Variants in IMMP2L observed in about 807,000 individuals in gnomAD.
The protein encoded by IMMP2L is inner mitochondrial membrane peptidase subunit 2, also known as mitochondrial inner membrane protease subunit 2.
A neutral mutation model predicts 19.3 loss-of-function variants in IMMP2L; 18 were observed. The ratio of observed to expected loss-of-function variants is 0.93; its 90% CI spans 0.64 to 1.38. IMMP2L has a LOEUF of 1.38. Ranked by LOEUF, IMMP2L falls within the 40% of genes most tolerant of loss-of-function variation. The pLI is 0.00. For synonymous variants in IMMP2L, 76 were observed against 73.0 expected, an observed-to-expected ratio of 1.04 and a Z score of -0.21; for missense variants, 233 against 218.2, an observed-to-expected ratio of 1.07 and a Z score of -0.43.
At chr7:111,378,539 A>C (rs1311831904) in intron 3 of IMMP2L, among the ~76,000 whole-genome samples, 2 of 152,010 alleles carry the variant, frequency 1.3e-5, no homozygotes, top group East Asian at 3.8e-4. Flanking sequence ...TAATCACCCA[A>C]GGGCACCGCT....
intron 5 of IMMP2L, among the ~76,000 whole-genome samples, chr7:110,846,228 G>T (rs182457745): frequency 5.6e-4 from 85 of 152,038 alleles, no homozygotes; most frequent in African/African-American, 2.0e-3. Context: ...CCGAGAACCT[G>T]AACAGCGAAG....
chr7:110,748,130 A>G (rs1271687762), intron 5 of IMMP2L, among the ~76,000 whole-genome samples: 1 of 152,066 alleles, frequency 6.6e-6, no homozygotes, highest in Middle Eastern at 3.2e-3. Context: ...CCAAATCACA[A>G]GTAACTCCCA....
At chr7:111,551,740 G>C (rs918062195) in intron 1 of IMMP2L, among the ~76,000 whole-genome samples, 1 of 151,976 alleles carries the variant, frequency 6.6e-6, no homozygotes, top group Admixed American at 6.6e-5. Context: ...GAAGTTTCAG[G>C]GAAGCACAAA....
intron 4 of IMMP2L, among the ~76,000 whole-genome samples, chr7:110,895,417 A>C (rs1010385244): frequency 3.9e-5 from 6 of 152,174 alleles, no homozygotes; most frequent in Non-Finnish European, 8.8e-5. Flanking sequence ...TCATACTGCC[A>C]TGATAATTGT....
intron 3 of IMMP2L, among the ~76,000 whole-genome samples, chr7:111,075,153 ATCTC>A (rs1322222490): frequency 4.2e-5 from 5 of 119,534 alleles, no homozygotes; most frequent in African/African-American, 1.7e-4. Context: ...TTGAGATGGA[ATCTC>A]TCTCTGTCAC....
intron 2 of IMMP2L, among the ~76,000 whole-genome samples, chr7:111,512,518 A>T (rs1305421112): frequency 6.6e-6 from 1 of 152,090 alleles, no homozygotes. Context: ...AATTTTTAAT[A>T]AAAAATTCAA....
chr7:110,808,777 A>T (rs965567819), intron 5 of IMMP2L, among the ~76,000 whole-genome samples: 1 of 152,088 alleles, frequency 6.6e-6, no homozygotes, highest in Admixed American at 6.6e-5. Context: ...TTTAAAGGAA[A>T]CATAGAGACG....
chr7:111,458,521 C>T (rs78156875), intron 3 of IMMP2L, among the ~76,000 whole-genome samples: 1,608 of 152,104 alleles, frequency 0.011, 34 homozygotes, highest in African/African-American at 0.036. Context: ...AAAATTGTTC[C>T]TCCTATCTTT....
intron 5 of IMMP2L, among the ~76,000 whole-genome samples, chr7:110,681,884 T>C (rs958086934): frequency 2.0e-5 from 3 of 151,932 alleles, no homozygotes; most frequent in Non-Finnish European, 2.9e-5. Flanking sequence ...GGAAACGACC[T>C]CTGACCTCAA....
chr7:111,081,139 C>T (rs1795856652), intron 3 of IMMP2L, among the ~76,000 whole-genome samples: 1 of 152,024 alleles, frequency 6.6e-6, no homozygotes, highest in Non-Finnish European at 1.5e-5. Flanking sequence ...GTTGGGATGC[C>T]CCATTAAATG....
At chr7:111,007,224 G>C (rs1413103559) in intron 3 of IMMP2L, among the ~76,000 whole-genome samples, 1 of 152,116 alleles carries the variant, frequency 6.6e-6, no homozygotes, top group East Asian at 1.9e-4. Flanking sequence ...GAACTTGTAA[G>C]AATTCACTCA....
intron 3 of IMMP2L, among the ~76,000 whole-genome samples, chr7:111,421,731 C>T (rs1213601682): frequency 6.6e-6 from 1 of 151,614 alleles, no homozygotes; most frequent in African/African-American, 2.4e-5. Flanking sequence ...TTAATTAGAT[C>T]CCATTTGTCT....
chr7:111,523,933 T>G (rs1846594531), intron 1 of IMMP2L, among the ~76,000 whole-genome samples: 1 of 152,124 alleles, frequency 6.6e-6, no homozygotes, highest in Non-Finnish European at 1.5e-5. Context: ...ATGACGTCTT[T>G]TGCCTAGAAT....
chr7:110,901,335 T>G (rs1263405621), intron 4 of IMMP2L, among the ~76,000 whole-genome samples: 2 of 152,188 alleles, frequency 1.3e-5, no homozygotes, highest in African/African-American at 4.8e-5. Flanking sequence ...GGATATTCAT[T>G]GAATGAGTAT....
chr7:111,523,712 T>C (rs945298786), intron 1 of IMMP2L, among the ~76,000 whole-genome samples: 2 of 152,160 alleles, frequency 1.3e-5, no homozygotes, highest in African/African-American at 4.8e-5. Context: ...CATGTTTTCA[T>C]TCAAACTCAT....
intron 3 of IMMP2L, among the ~76,000 whole-genome samples, chr7:111,031,017 G>A (rs1038598177): frequency 1.3e-5 from 2 of 150,968 alleles, no homozygotes; most frequent in Non-Finnish European, 2.9e-5. Context: ...TTAGAGGTAA[G>A]CAAGGGAGAG....
chr7:111,549,930 G>A (rs1849289752), intron 1 of IMMP2L, among the ~76,000 whole-genome samples: 1 of 142,820 alleles, frequency 7.0e-6, no homozygotes, highest in Admixed American at 7.1e-5. Context: ...GACAGAGCGA[G>A]ACTCCGTGTC....
chr7:111,124,932 CA>C (rs398005852), intron 3 of IMMP2L: 134,424 of 809,620 alleles, frequency 0.17, 639 homozygotes, highest in African/African-American at 0.22. Context: ...CAAAAATGAA[CA>C]AAAAAAAAAA....
chr7:110,984,033 T>G (rs1405364004), intron 3 of IMMP2L, among the ~76,000 whole-genome samples: 1 of 151,954 alleles, frequency 6.6e-6, no homozygotes, highest in Non-Finnish European at 1.5e-5. Context: ...ACCAAGCAGA[T>G]TCTCTCTCAA....
Sources: allele counts gnomAD v4.1 joint callset (sites outside exome capture counted in the v4.1 genomes callset), GRCh38; gene constraint gnomAD v4.1.1; transcripts MANE v1.5; gene names NCBI Gene and HGNC (gene_info 2026-07-23, HGNC 2026-07-21).